Variants in NXPH2 observed in about 807,000 individuals in gnomAD.
The protein encoded by NXPH2 is neurexophilin 2, also known as neurexophilin-2.
A neutral mutation model predicts 19.8 loss-of-function variants in NXPH2; 5 were observed. The observed-to-expected ratio is 0.25, with a 90% confidence interval of 0.13 to 0.53. NXPH2 has a LOEUF of 0.53. Among genes scored for constraint, NXPH2 ranks in the 20% least tolerant of loss-of-function variants. NXPH2 has a pLI of 0.96. For synonymous variants in NXPH2, 154 were observed against 127.4 expected, an observed-to-expected ratio of 1.21 and a Z score of -1.41; for missense variants, 289 against 322.8, an observed-to-expected ratio of 0.90 and a Z score of 0.80.
At chr2:138,765,021 G>A (rs890577650) in intron 1 of NXPH2, among the ~76,000 whole-genome samples, 1 of 152,130 alleles carries the variant, frequency 6.6e-6, no homozygotes, top group Non-Finnish European at 1.5e-5. Flanking sequence ...ATAAAGAAGG[G>A]CTTGACTTAT....
At chr2:138,673,236 T>C (rs1479338282) in intron 1 of NXPH2, among the ~76,000 whole-genome samples, 1 of 152,198 alleles carries the variant, frequency 6.6e-6, no homozygotes, top group Non-Finnish European at 1.5e-5. Flanking sequence ...TTATACACCC[T>C]GAATTGATAC....
At chr2:138,734,906 A>G (rs547425160) in intron 1 of NXPH2, among the ~76,000 whole-genome samples, 3 of 152,322 alleles carry the variant, frequency 2.0e-5, no homozygotes, top group African/African-American at 7.2e-5. Flanking sequence ...AAGATGTAGA[A>G]TGAGGAGATA....
At chr2:138,682,915 A>G (rs566442105) in intron 1 of NXPH2, among the ~76,000 whole-genome samples, 9 of 152,308 alleles carry the variant, frequency 5.9e-5, no homozygotes, top group African/African-American at 1.9e-4. Context: ...CAGAAATATC[A>G]TGTATGCATG....
intron 1 of NXPH2, among the ~76,000 whole-genome samples, chr2:138,730,578 C>G (rs912738044): frequency 6.6e-6 from 1 of 152,072 alleles, no homozygotes; most frequent in Admixed American, 6.6e-5. Context: ...TATGAGGCAG[C>G]CCAGGGCAGA....
At position 138,671,064 on chromosome 2, in the gene NXPH2, C is replaced by T; in HGVS notation, c.653G>A (p.Ser218Asn). 6.2e-7 allele frequency: 1 copy of T among 1,613,998 alleles called. No homozygotes were observed. Among genetic ancestry groups the T allele is most frequent in the East Asian group, 2.2e-5 (1 of 44,870 alleles). The part of the protein sequence containing the change: ...SKICYQEQTQ[S>N]HVSWLCSKPF... ...CTTGGAGCACAACCAAGACACATGG[C>T]TCTGAGTCTGCTCCTGGTAGCAGAT... The change falls in exon 2 of 2, where the codon AGC becomes AAC. Residue 218 changes from serine to asparagine, a missense_variant. Transcript: ENST00000272641.
chr2:138,718,062 A>T (rs1681219444), intron 1 of NXPH2, among the ~76,000 whole-genome samples: 1 of 152,088 alleles, frequency 6.6e-6, no homozygotes, highest in African/African-American at 2.4e-5. Flanking sequence ...CAGGAAGTTA[A>T]GTAGCTGACT....
intron 1 of NXPH2, among the ~76,000 whole-genome samples, chr2:138,711,922 G>A (rs1001013822): frequency 6.6e-6 from 1 of 152,296 alleles, no homozygotes; most frequent in Middle Eastern, 3.4e-3. Flanking sequence ...GTACCATTTG[G>A]CTTATGTTTA....
At chr2:138,677,262 A>G (rs1047881508) in intron 1 of NXPH2, among the ~76,000 whole-genome samples, 1 of 152,214 alleles carries the variant, frequency 6.6e-6, no homozygotes, top group Admixed American at 6.5e-5. Context: ...TAATGCAAAA[A>G]CATTTAACCT....
At chr2:138,738,759 G>T (rs543148829) in intron 1 of NXPH2, among the ~76,000 whole-genome samples, 1 of 152,172 alleles carries the variant, frequency 6.6e-6, no homozygotes, top group African/African-American at 2.4e-5. Context: ...TGCTCCCCTT[G>T]CTCCGCCTGG....
At chr2:138,719,452 A>G (rs1023393725) in intron 1 of NXPH2, among the ~76,000 whole-genome samples, 1 of 152,230 alleles carries the variant, frequency 6.6e-6, no homozygotes, top group African/African-American at 2.4e-5. Flanking sequence ...ATAAGTAAAT[A>G]TAATACATAA....
chr2:138,738,478 C>T (rs1314312763), intron 1 of NXPH2, among the ~76,000 whole-genome samples: 1 of 152,132 alleles, frequency 6.6e-6, no homozygotes, highest in East Asian at 1.9e-4. Context: ...ATATCTATTA[C>T]ATCAATCCAT....
chr2:138,675,961 G>A (rs1299511150), intron 1 of NXPH2, among the ~76,000 whole-genome samples: 6 of 135,948 alleles, frequency 4.4e-5, no homozygotes, highest in Non-Finnish European at 1.6e-5. Context: ...ACATATGTGT[G>A]TGTGTGTGTG....
chr2:138,734,618 G>A lies in NXPH2; in HGVS notation c.51+45573C>T, dbSNP rs62163218. Reference sequence around the variant, plus strand: ...GGTGATCCTGAAGATGGGAATGCCAGCTATAAAGGTGACAGCAATAAGCCA... The same window carrying A: ...GGTGATCCTGAAGATGGGAATGCCAACTATAAAGGTGACAGCAATAAGCCA... On this transcript the variant is annotated intron_variant, in intron 1 of 1. Coordinates refer to ENST00000272641, the MANE Select transcript of NXPH2 (RefSeq NM_007226.3). Among the ~76,000 whole-genome samples, 383 of 152,326 alleles carry A rather than the reference G, an allele frequency of 2.5e-3. 2 individuals are homozygous for A. Among genetic ancestry groups the A allele is most frequent in the South Asian group, 7.7e-3 (37 of 4,828 alleles).
intron 1 of NXPH2, among the ~76,000 whole-genome samples, chr2:138,746,967 T>A (rs1681746930): frequency 6.6e-6 from 1 of 152,150 alleles, no homozygotes. Context: ...TTTTTCTAAA[T>A]CTTGCAAGAA....
In NXPH2 at chr2:138,677,762, CATT is replaced by C. The variant is rs1403027657; in HGVS notation, c.52-6100_52-6098del. 2.6e-5 allele frequency among the ~76,000 whole-genome samples: 4 copies of C among 152,292 alleles called. No homozygotes were observed. In the East Asian group the frequency reaches 7.7e-4, roughly 29 times the overall value. The stretch of plus-strand genomic sequence containing the variant: ...ACTAAAAAGCATCTTCCTCTGCAAA[CATT>C]ATATCAGAAGAGACTTTTTAAACTG... On this transcript the variant is annotated intron_variant, in intron 1 of 1. Coordinates refer to ENST00000272641, the MANE Select transcript of NXPH2 (RefSeq NM_007226.3).
chr2:138,721,334 C>G lies in NXPH2; in HGVS notation c.52-49669G>C, dbSNP rs143410187. Among the ~76,000 whole-genome samples, 401 of 150,238 alleles carry G rather than the reference C, an allele frequency of 2.7e-3. 4 individuals carry two copies. Among genetic ancestry groups the G allele is most frequent in the African/African-American group, 9.2e-3 (376 of 40,790 alleles). On this transcript the variant is annotated intron_variant, in intron 1 of 1. Transcript: ENST00000272641. Reference sequence around the variant, plus strand: ...CCAAGCTGGAGATAGAGCAAGACTCCGTCTGAAAAAAAAAAAAATTGCCAG... The same window carrying G: ...CCAAGCTGGAGATAGAGCAAGACTCGGTCTGAAAAAAAAAAAAATTGCCAG...
At chr2:138,769,682 G>A (rs1459816265) in intron 1 of NXPH2, among the ~76,000 whole-genome samples, 3 of 152,160 alleles carry the variant, frequency 2.0e-5, no homozygotes, top group Admixed American at 6.5e-5. Context: ...GGATTTAGGC[G>A]TGAAACTGGC....
intron 1 of NXPH2, among the ~76,000 whole-genome samples, chr2:138,776,234 C>T (rs1172065739): frequency 2.0e-5 from 3 of 151,890 alleles, no homozygotes; most frequent in Non-Finnish European, 4.4e-5. Context: ...AATGTAAACC[C>T]CTAAAATATT....
At chr2:138,731,818 T>A (rs10928662) in intron 1 of NXPH2, among the ~76,000 whole-genome samples, 104,509 of 151,790 alleles carry the variant, frequency 0.69, 36,735 homozygotes, top group Non-Finnish European at 0.77. Context: ...CCTAATCAAG[T>A]CCAGCTTCTT....
Sources: gnomAD v4.1 joint callset for allele counts (sites outside exome capture counted in the v4.1 genomes callset) on GRCh38, gnomAD v4.1.1 for gene constraint, MANE v1.5 for transcripts, NCBI Gene and HGNC (gene_info 2026-07-23, HGNC 2026-07-21) for gene names.